The following LPIN1 variants were observed in gnomAD, a reference collection of about 807,000 sequenced individuals.
The protein encoded by LPIN1 is lipin 1.
LPIN1 carries 71 observed loss-of-function variants against 107.5 expected under a neutral mutation model. That is an observed-to-expected ratio of 0.66 (90% CI 0.55 to 0.80). The LOEUF is 0.80. Among genes scored for constraint, LPIN1 ranks in the 30% least tolerant of loss-of-function variants. The probability of loss-of-function intolerance (pLI) is 0.00; values close to 1 mark genes in which losing one functional copy is unlikely to be tolerated. For synonymous variants in LPIN1, 445 were observed against 452.6 expected, an observed-to-expected ratio of 0.98 and a Z score of 0.21; for missense variants, 1,043 against 1,160.6, an observed-to-expected ratio of 0.90 and a Z score of 1.47.
chr2:11,818,391 C>T (rs1680952760), intron 18 of LPIN1: 1 of 152,142 alleles, frequency 6.6e-6, no homozygotes, highest in South Asian at 2.1e-4. Context: ...TCTGGCACAT[C>T]TTCTGTTAGA....
At chr2:11,690,578 C>T (rs908261034) in intron 1 of LPIN1, among the ~76,000 whole-genome samples, 5 of 152,160 alleles carry the variant, frequency 3.3e-5, no homozygotes, top group South Asian at 2.1e-4. Flanking sequence ...CTTTCTGGCA[C>T]GATTAGACAC....
chr2:11,784,302 T>TAAAA, intron 9 of LPIN1: 2 of 158,506 alleles, frequency 1.3e-5, no homozygotes, highest in Admixed American at 2.5e-4. Context: ...AGACTCCATC[T>TAAAA]CAAAAAAAAA....
chr2:11,736,925 G>C (rs1454255705), intron 1 of LPIN1, among the ~76,000 whole-genome samples: 3 of 152,236 alleles, frequency 2.0e-5, no homozygotes, highest in Non-Finnish European at 4.4e-5. Flanking sequence ...GAGGCAGTGT[G>C]GACTACAAGG....
chr2:11,691,083 G>T (rs373260970), intron 1 of LPIN1, among the ~76,000 whole-genome samples: 4 of 120,268 alleles, frequency 3.3e-5, no homozygotes, highest in South Asian at 2.3e-4. Flanking sequence ...ATCTTGTTGT[G>T]GTTTTTTTTT....
chr2:11,748,664 C>G (rs766554678), intron 1 of LPIN1, among the ~76,000 whole-genome samples: 1 of 152,152 alleles, frequency 6.6e-6, no homozygotes, highest in Non-Finnish European at 1.5e-5. Flanking sequence ...CTGTGGGACA[C>G]CCCCTCCCCC....
At chr2:11,734,112 T>C (rs184072617) in intron 1 of LPIN1, among the ~76,000 whole-genome samples, 2 of 152,236 alleles carry the variant, frequency 1.3e-5, no homozygotes, top group Non-Finnish European at 2.9e-5. Flanking sequence ...GACCAGTTTG[T>C]ATTAAATTAG....
intron 1 of LPIN1, among the ~76,000 whole-genome samples, chr2:11,702,083 C>G (rs551712795): frequency 1.3e-5 from 2 of 152,164 alleles, no homozygotes; most frequent in South Asian, 2.1e-4. Context: ...ATGACTTTCA[C>G]GAAGGAGGAA....
At chr2:11,730,032 T>C (rs1037182459) in intron 1 of LPIN1, among the ~76,000 whole-genome samples, 3 of 152,198 alleles carry the variant, frequency 2.0e-5, no homozygotes, top group African/African-American at 7.2e-5. Context: ...TTTTAGGCTA[T>C]TTAATAAGGG....
rs1682443023 is a variant in LPIN1, at chr2:11,826,926, CA to C, written c.*2137del. On this transcript the variant is annotated 3_prime_UTR_variant, in exon 21 of 21. Coordinates refer to ENST00000674199, the MANE Select transcript of LPIN1 (RefSeq NM_001349206.2). Reference sequence around the variant, plus strand: ...GTGTCAAGTTCAATGTGAGCCCTGGCAAGGCTGGCATATTAACACCTGCCTT... The same window carrying C: ...GTGTCAAGTTCAATGTGAGCCCTGGCAGGCTGGCATATTAACACCTGCCTT... 6.6e-6 allele frequency: 1 copy of C among 152,646 alleles called. No individual in the cohort carries two copies. The highest frequency in any genetic ancestry group is 1.5e-5 in the Non-Finnish European group (1 of 68,056). The allele number at this position is 152,646 out of a possible 1,614,324, so 9.5% of individuals were successfully genotyped here.
At chr2:11,725,251 A>G (rs1664511274) in intron 1 of LPIN1, among the ~76,000 whole-genome samples, 1 of 150,162 alleles carries the variant, frequency 6.7e-6, no homozygotes, top group Non-Finnish European at 1.5e-5. Context: ...ACAGAGCGAG[A>G]CTCCGTCTCA....
chr2:11,777,905 T>C (rs1454452389), intron 6 of LPIN1, among the ~76,000 whole-genome samples: 1 of 152,236 alleles, frequency 6.6e-6, no homozygotes, highest in Non-Finnish European at 1.5e-5. Flanking sequence ...AAGTTGGTTT[T>C]GATGGACTTA....
intron 18 of LPIN1, chr2:11,817,602 A>G (rs1553300441): frequency 6.6e-6 from 1 of 151,796 alleles, no homozygotes; most frequent in South Asian, 2.1e-4. Context: ...TTTTTCCTAT[A>G]TGGATATTCA....
intron 1 of LPIN1, among the ~76,000 whole-genome samples, chr2:11,698,767 G>A (rs73915489): frequency 0.022 from 3,357 of 152,336 alleles, 130 homozygotes; most frequent in African/African-American, 0.076. Flanking sequence ...CATTTTGTGA[G>A]CAGAAGGTGG....
chr2:11,789,371 GTA>G (rs1675243769), intron 12 of LPIN1, among the ~76,000 whole-genome samples: 1 of 152,068 alleles, frequency 6.6e-6, no homozygotes, highest in South Asian at 2.1e-4. Flanking sequence ...GTGTGCGCAT[GTA>G]TGTGTGTGCA....
At chr2:11,788,003 T>C (rs897054313) in intron 11 of LPIN1, among the ~76,000 whole-genome samples, 11 of 152,272 alleles carry the variant, frequency 7.2e-5, no homozygotes, top group African/African-American at 2.4e-4. Flanking sequence ...ACAGGTATTT[T>C]TGCAGACTGT....
intron 8 of LPIN1, 26 bp from the exon 9 acceptor site, chr2:11,783,803 C>T: frequency 6.3e-7 from 1 of 1,595,790 alleles, no homozygotes; most frequent in Non-Finnish European, 8.6e-7. Flanking sequence ...GAGTGGTTTT[C>T]TGACTTGAGC....
At position 11,783,766 on chromosome 2, in the gene LPIN1, T is replaced by C; in HGVS notation, c.1265-63T>C. On this transcript the variant is annotated intron_variant, in intron 8 of 20. Coordinates refer to ENST00000674199, the MANE Select transcript of LPIN1 (RefSeq NM_001349206.2). ...AGTGTTTAAATGCTGTTTCTATAGA[T>C]ACAAGGCCATGAGCTCATTTCTAGA... 7 of 1,346,892 alleles carry C rather than the reference T, an allele frequency of 5.2e-6. No homozygotes were observed. In the South Asian group the frequency reaches 8.2e-5, roughly 16 times the overall value. The allele number at this position is 1,346,892 out of a possible 1,614,324, so 83.4% of individuals were successfully genotyped here.
chr2:11,704,359 G>T (rs1407435515), intron 1 of LPIN1, among the ~76,000 whole-genome samples: 2 of 152,170 alleles, frequency 1.3e-5, no homozygotes, highest in Non-Finnish European at 2.9e-5. Context: ...GGTTGCATCT[G>T]GGCCTGAAAT....
At chr2:11,693,071 A>C (rs1662350887) in intron 1 of LPIN1, among the ~76,000 whole-genome samples, 1 of 152,178 alleles carries the variant, frequency 6.6e-6, no homozygotes, top group Non-Finnish European at 1.5e-5. Flanking sequence ...GGTCACTGTG[A>C]CAGACAAGAT....
Sources: gnomAD v4.1 joint callset for allele counts (sites outside exome capture counted in the v4.1 genomes callset) on GRCh38, gnomAD v4.1.1 for gene constraint, MANE v1.5 for transcripts, NCBI Gene and HGNC (gene_info 2026-07-23, HGNC 2026-07-21) for gene names.